BMI1: variants seen among roughly 807,000 people sequenced by gnomAD.
The protein encoded by BMI1 is polycomb complex protein BMI-1.
In BMI1, 9 loss-of-function variants were observed where a neutral mutation model predicts 39.1. The observed-to-expected ratio is 0.23, with a 90% confidence interval of 0.14 to 0.40. The LOEUF is 0.40. Ranked by LOEUF, BMI1 falls within the 10% of genes least tolerant of loss-of-function variation. The pLI, the probability that BMI1 is intolerant of heterozygous loss-of-function variation, is 1.00. For missense variants in BMI1, 252 were observed against 390.8 expected (o/e 0.64, Z 2.99); for synonymous variants, 131 against 127.9 (o/e 1.02, Z -0.16).
intron 3 of BMI1, among the ~76,000 whole-genome samples, chr10:22,327,239 CT>C (rs1374050280): frequency 6.6e-6 from 1 of 151,874 alleles, no homozygotes; most frequent in African/African-American, 2.4e-5. Flanking sequence ...GTTAGTTCAC[CT>C]TTTTTGCATT....
chr10:22,328,446 GTAA>G (rs1487046939), intron 7 of BMI1, among the ~76,000 whole-genome samples, 151 bp from the exon 8 acceptor site: 6 of 152,068 alleles, frequency 3.9e-5, no homozygotes, highest in African/African-American at 1.2e-4. Flanking sequence ...TTTAGTATTT[GTAA>G]TGATAGTAAA....
chr10:22,328,482 G>T, intron 7 of BMI1, 118 bp from the exon 8 acceptor site: 11 of 986,420 alleles, frequency 1.1e-5, no homozygotes, highest in Non-Finnish European at 1.6e-5. Context: ...TTAGTTGAGA[G>T]GTTGGTCACC....
chr10:22,324,521 G>A (rs924514083), intron 1 of BMI1, among the ~76,000 whole-genome samples: 3 of 152,212 alleles, frequency 2.0e-5, no homozygotes, highest in Admixed American at 6.5e-5. Context: ...AAGTTTTCTG[G>A]TAGAGGTCGC....
Position 22,328,053 on chromosome 10 carries a change from G to C in BMI1, c.420G>C (p.Gln140His). The C allele has an allele frequency of 6.2e-7, 1 of 1,601,130 alleles. No individual in the cohort carries two copies. Among genetic ancestry groups the C allele is most frequent in the African/African-American group, 1.3e-5 (1 of 74,102 alleles). Residue 140 changes from glutamine to histidine, a missense_variant, in exon 6 of 10, where the codon CAG (glutamine) becomes CAC (histidine). Gln to His is a conservative substitution (Grantham distance 24). Around this residue, in one of 4 missense-constraint regions of BMI1, gnomAD observed 67 missense variants for 69.9 expected, o/e 0.96. Coordinates refer to ENST00000376663, the MANE Select transcript of BMI1 (RefSeq NM_005180.9). ...IISLSIEFFD[Q>H]NRLDRKVNKD... ...GCTTATCCATTGAATTCTTTGACCA[G>C]AACAGGTAAAATCTTTAGGCAATTT...
chr10:22,324,980 G>C (rs1163034559), intron 1 of BMI1, among the ~76,000 whole-genome samples: 1 of 152,092 alleles, frequency 6.6e-6, no homozygotes, highest in Non-Finnish European at 1.5e-5. Context: ...TCGCTGCTTT[G>C]GGTTGACAAG....
intron 1 of BMI1, chr10:22,325,853 C>A (rs1347934180): frequency 6.6e-6 from 1 of 152,192 alleles, no homozygotes; most frequent in African/African-American, 2.4e-5. Context: ...CAGGCCCCGG[C>A]CCAGGCCGAC....
chr10:22,329,732 A>G lies in BMI1; in HGVS notation c.*190A>G, dbSNP rs1298918630. The stretch of plus-strand genomic sequence containing the variant: ...CTATGGACGTTAATTGAAAAGAAAG[A>G]TTGTTGTTATAAAGAATTGGTTTCT... On this transcript the variant is annotated 3_prime_UTR_variant, in exon 10 of 10. Coordinates refer to ENST00000376663, the MANE Select transcript of BMI1 (RefSeq NM_005180.9). 1.5e-6 allele frequency: 1 copy of G among 668,172 alleles called. No individual in the cohort carries two copies. The highest frequency in any genetic ancestry group is 1.8e-5 in the African/African-American group (1 of 54,994). 41.4% of individuals were successfully genotyped at this position (668,172 alleles called of 1,614,324 possible). A position where few individuals can be genotyped will look rare whatever the true frequency, so the allele number is the denominator to read the frequency against.
Position 22,327,667 on chromosome 10 carries a change from GAA to G in BMI1, c.265+20_265+21del, listed in dbSNP as rs1564350638. On this transcript the variant is annotated intron_variant, in intron 4 of 9. Transcript: ENST00000376663. Reference sequence around the variant, plus strand: ...TTTTCAAAAGTGAGTAACTTGCTTAGAAAATGAATTTAAAGAGATTATTCATT... The same window carrying G: ...TTTTCAAAAGTGAGTAACTTGCTTAGAATGAATTTAAAGAGATTATTCATT... 1.2e-6 allele frequency: 2 copies of G among 1,613,078 alleles called. No homozygotes were observed. Among genetic ancestry groups the G allele is most frequent in the South Asian group, 2.2e-5 (2 of 91,002 alleles).
intron 1 of BMI1, chr10:22,326,130 CTGGAGGACAAA>C: frequency 4.5e-6 from 1 of 221,882 alleles, no homozygotes; most frequent in Non-Finnish European, 9.0e-6. Flanking sequence ...GGCTGCTGGG[CTGGAGGACAAA>C]TGGAAGAAAG....
intron 1 of BMI1, among the ~76,000 whole-genome samples, chr10:22,322,888 T>G (rs1321304938): frequency 6.6e-6 from 1 of 152,176 alleles, no homozygotes; most frequent in Non-Finnish European, 1.5e-5. Context: ...AGTTAATAAT[T>G]GGAAGTAAAC....
chr10:22,329,494 AC>A lies in BMI1; in HGVS notation c.935del (p.Pro312LeufsTer6), dbSNP rs1836237818. 6.2e-7 allele frequency: 1 copy of A among 1,614,154 alleles called. No homozygotes were observed. On this transcript the variant is annotated frameshift_variant, in exon 10 of 10. Coordinates refer to ENST00000376663, the MANE Select transcript of BMI1 (RefSeq NM_005180.9). LOFTEE classifies it high-confidence loss of function. The part of the protein sequence containing the change: ...GNHQSSFANR[P>X]RKSSVNGSSA... ...ACCACCAATCTTCTTTTGCCAATAG[AC>A]CTCGAAAATCATCAGTAAATGGGTC...
At chr10:22,322,159 C>G (rs1400623638) in intron 1 of BMI1, 1 of 152,084 alleles carries the variant, frequency 6.6e-6, no homozygotes, top group Non-Finnish European at 1.5e-5. Flanking sequence ...CCGCAGCGCC[C>G]TTTGTTGAGA....
chr10:22,327,540 C>A, intron 3 of BMI1, 55 bp from the exon 4 acceptor site: 1 of 1,496,850 alleles, frequency 6.7e-7, no homozygotes, highest in Non-Finnish European at 9.1e-7. Flanking sequence ...AACTTATGAA[C>A]ATTTTTAGTT....
chr10:22,323,439 T>C (rs1272636612), intron 1 of BMI1, among the ~76,000 whole-genome samples: 1 of 152,218 alleles, frequency 6.6e-6, no homozygotes, highest in Non-Finnish European at 1.5e-5. Context: ...AAATTAAGCA[T>C]TTAATTGTAC....
In BMI1 at chr10:22,330,310, A is replaced by T. The variant is rs1588622229; in HGVS notation, c.*768A>T. ...ATGCTATAAAGAAATATTGTGTTTC[A>T]TGCATTCAGAAATGATTGTTAAAAT... On this transcript the variant is annotated 3_prime_UTR_variant, in exon 10 of 10. Coordinates refer to ENST00000376663, the MANE Select transcript of BMI1 (RefSeq NM_005180.9). 1 of 152,658 alleles carries T rather than the reference A, an allele frequency of 6.6e-6. No homozygotes were observed. Among genetic ancestry groups the T allele is most frequent in the East Asian group, 1.9e-4 (1 of 5,204 alleles). 9.5% of individuals were successfully genotyped at this position (152,658 alleles called of 1,614,324 possible). A position where few individuals can be genotyped will look rare whatever the true frequency, so the allele number is the denominator to read the frequency against.
chr10:22,327,536 T>A, intron 3 of BMI1, 59 bp from the exon 4 acceptor site: 1 of 1,482,006 alleles, frequency 6.7e-7, no homozygotes, highest in Non-Finnish European at 9.2e-7. Flanking sequence ...TAGAAACTTA[T>A]GAACATTTTT....
In BMI1 at chr10:22,327,635, C is replaced by G; in HGVS notation, c.250C>G (p.Pro84Ala). The change falls in exon 4 of 10, where the codon CCA becomes GCA. Residue 84 changes from proline to alanine, a missense_variant. Pro to Ala is a conservative substitution (Grantham distance 27). Transcript: ENST00000376663. ...CCAAGATATTGTATACAAATTAGTT[C>G]CAGGGCTTTTCAAAAGTGAGTAACT... ...TLQDIVYKLV[P>A]GLFKNEMKRR... is the part of the protein sequence containing the mutation. The G allele has an allele frequency of 1.9e-6, 3 of 1,612,578 alleles. No individual in the cohort carries two copies. Among genetic ancestry groups the G allele is most frequent in the Non-Finnish European group, 2.5e-6 (3 of 1,179,178 alleles).
intron 1 of BMI1, among the ~76,000 whole-genome samples, chr10:22,323,108 C>T (rs1344676536): frequency 1.3e-5 from 2 of 152,176 alleles, no homozygotes; most frequent in African/African-American, 4.8e-5. Context: ...AACCTTAACT[C>T]CCATGTTCTG....
intron 3 of BMI1, 132 bp from the exon 4 acceptor site, chr10:22,327,463 T>A (rs1422805323): frequency 1.1e-6 from 1 of 910,660 alleles, no homozygotes; most frequent in Non-Finnish European, 1.6e-6. Flanking sequence ...GTTTTTATCT[T>A]ATCAATAATA....
Sources: gnomAD v4.1 joint callset for allele counts (sites outside exome capture counted in the v4.1 genomes callset) on GRCh38, gnomAD v4.1.1 for gene constraint, gnomAD v4.1.1 regional missense constraint, MANE v1.5 for transcripts, NCBI Gene and HGNC (gene_info 2026-07-23, HGNC 2026-07-21) for gene names.